The following PICK1 variants were observed in gnomAD, a reference collection of about 807,000 sequenced individuals.
PICK1 encodes the protein protein interacting with PRKCA 1.
In PICK1, 23 loss-of-function variants were observed where a neutral mutation model predicts 48.9. That is an observed-to-expected ratio of 0.47 (90% confidence interval 0.34 to 0.67). PICK1 has a LOEUF of 0.67. Ranked by LOEUF, PICK1 falls within the 30% of genes least tolerant of loss-of-function variation. The pLI, the probability that PICK1 is intolerant of heterozygous loss-of-function variation, is 0.01. For missense variants in PICK1, 423 were observed against 557.1 expected (o/e 0.76, Z 2.42); for synonymous variants, 217 against 228.2 (o/e 0.95, Z 0.44).
Position 38,074,732 on chromosome 22 carries a change from G to A in PICK1, c.980-132G>A. 1 of 1,241,412 alleles carries A rather than the reference G, an allele frequency of 8.1e-7. No homozygotes were observed. Among genetic ancestry groups the A allele is most frequent in the East Asian group, 2.5e-5 (1 of 40,790 alleles). The allele number at this position is 1,241,412 out of a possible 1,614,324, so 76.9% of individuals were successfully genotyped here. ...CTGCCTCCGCCCCTTGCCAGGTCAT[G>A]AGGGGTCAGGGAAGTGCCCGAGTGG... is the stretch of plus-strand genomic sequence containing the variant. On this transcript the variant is annotated intron_variant, in intron 12 of 12. Transcript: ENST00000356976. This position sits in a 1 kb window ranked among gnomAD's most constrained non-coding sequence, Gnocchi z 4.5.
chr22:38,057,723 A>G lies in PICK1; in HGVS notation c.-57-30A>G, dbSNP rs1466938186. The G allele has an allele frequency of 1.4e-5, 18 of 1,272,138 alleles. No individual in the cohort carries two copies. In the Middle Eastern group the frequency reaches 1.8e-3, roughly 130 times the overall value. The allele number at this position is 1,272,138 out of a possible 1,614,324, so 78.8% of individuals were successfully genotyped here. A position where few individuals can be genotyped will look rare whatever the true frequency, so the allele number is the denominator to read the frequency against. On this transcript the variant is annotated intron_variant, in intron 1 of 12. Coordinates refer to ENST00000356976, the MANE Select transcript of PICK1 (RefSeq NM_012407.4). Reference sequence around the variant, plus strand: ...GCATTTAGGCACTTGGGTTCCTTAAATCCTATGCTCCTTTCTCTCCCGGAT... The same window carrying G: ...GCATTTAGGCACTTGGGTTCCTTAAGTCCTATGCTCCTTTCTCTCCCGGAT...
At position 38,065,080 on chromosome 22, in the gene PICK1, A is replaced by G. The variant is rs1306797006; in HGVS notation, c.232A>G (p.Ile78Val). Residue 78 changes from isoleucine to valine, a missense_variant, in exon 4 of 13, where the codon ATC (isoleucine) becomes GTC (valine). Around this residue, in one of 2 missense-constraint regions of PICK1, gnomAD observed 279 missense variants for 417.8 expected, o/e 0.67. Transcript: ENST00000356976. ...GATCACCGGTGTCAATGGCAGGTCA[A>G]TCAAAGGGAAAACTAAGGTGGAGGT... is the stretch of plus-strand genomic sequence containing the variant. ...DEITGVNGRS[I>V]KGKTKVEVAK... 1 of 1,614,136 alleles carries G rather than the reference A, an allele frequency of 6.2e-7. No individual in the cohort carries two copies. The highest frequency in any genetic ancestry group is 8.5e-7 in the Non-Finnish European group (1 of 1,180,014).
intron 6 of PICK1, 65 bp from the exon 7 acceptor site, chr22:38,070,773 A>G: frequency 2.1e-6 from 3 of 1,438,748 alleles, no homozygotes; most frequent in Non-Finnish European, 2.0e-6. Context: ...CCTCCCCAGC[A>G]TGGCCCTGGG....
chr22:38,067,960 C>T (rs1404999759), intron 5 of PICK1, 190 bp downstream of exon 5: 6 of 693,302 alleles, frequency 8.7e-6, no homozygotes, highest in South Asian at 3.0e-5. Flanking sequence ...GCTCTCCCTG[C>T]ATCTGTTCTT....
At position 38,073,078 on chromosome 22, in the gene PICK1, A is replaced by C; in HGVS notation, c.769A>C (p.Lys257Gln). The stretch of plus-strand genomic sequence containing the variant: ...CACCATCAAGAAGTACCTGGACGTG[A>C]AGTTTGAGTACCTGGTGAGTAGTCC... ...RLTIKKYLDV[K>Q]FEYLSYCLKV... Residue 257 changes from lysine to glutamine, a missense_variant, in exon 10 of 13, where the codon AAG (lysine) becomes CAG (glutamine). Physicochemically the swap from Lys to Gln is moderately conservative, Grantham distance 53. Around this residue, in one of 2 missense-constraint regions of PICK1, gnomAD observed 279 missense variants for 417.8 expected, o/e 0.67. Coordinates refer to ENST00000356976, the MANE Select transcript of PICK1 (RefSeq NM_012407.4). This position sits in a 1 kb window ranked among gnomAD's most constrained non-coding sequence, Gnocchi z 5.7. The C allele has an allele frequency of 6.2e-7, 1 of 1,611,118 alleles. No homozygotes were observed. Among genetic ancestry groups the C allele is most frequent in the Non-Finnish European group, 8.5e-7 (1 of 1,177,358 alleles).
At position 38,072,509 on chromosome 22, in the gene PICK1, C is replaced by T. The variant is rs776855622; in HGVS notation, c.589C>T (p.Arg197Trp). 20 of 1,613,358 alleles carry T rather than the reference C, an allele frequency of 1.2e-5. No individual in the cohort carries two copies. The highest frequency in any genetic ancestry group is 6.6e-5 in the South Asian group (6 of 91,090). The change falls in exon 9 of 13, where the codon CGG becomes TGG. Residue 197 changes from arginine (R) to tryptophan (W), a missense_variant. By Grantham distance (101) the Arg-to-Trp change is moderately radical. Around this residue, in one of 2 missense-constraint regions of PICK1, gnomAD observed 279 missense variants for 417.8 expected, o/e 0.67. Transcript: ENST00000356976. ...FGDVFSVIGV[R>W]EPQPAASEAF... ...GGACGTGTTCTCCGTGATCGGGGTG[C>T]GGGAGCCCCAGCCAGCTGCGAGCGA...
At chr22:38,057,931 C>T (rs2145853432) in intron 2 of PICK1, 81 bp downstream of exon 2, 1 of 1,129,356 alleles carries the variant, frequency 8.9e-7, no homozygotes, top group South Asian at 1.2e-5. Flanking sequence ...GTCCCACAGA[C>T]CCTTGCTTCT....
intron 7 of PICK1, 32 bp from the exon 8 acceptor site, chr22:38,071,650 C>T (rs1171521969): frequency 6.3e-7 from 1 of 1,599,054 alleles, no homozygotes; most frequent in South Asian, 1.1e-5. Flanking sequence ...CGCCATGCGT[C>T]CCCATTCCGC....
In PICK1 at chr22:38,074,716, C is replaced by T. The variant is rs1205647349; in HGVS notation, c.980-148C>T. 7.9e-6 allele frequency: 9 copies of T among 1,142,872 alleles called. No individual in the cohort carries two copies. Among genetic ancestry groups the T allele is most frequent in the African/African-American group, 1.5e-5 (1 of 65,298 alleles). The allele number at this position is 1,142,872 out of a possible 1,614,324, so 70.8% of individuals were successfully genotyped here. A position where few individuals can be genotyped will look rare whatever the true frequency, so the allele number is the denominator to read the frequency against. ...CCGGGCTGGGCGGCCCCTGCCTCCGCCCCTTGCCAGGTCATGAGGGGTCAG... is the reference window on the plus strand; with the variant it reads ...CCGGGCTGGGCGGCCCCTGCCTCCGTCCCTTGCCAGGTCATGAGGGGTCAG... On this transcript the variant is annotated intron_variant, in intron 12 of 12. Transcript: ENST00000356976. The surrounding 1 kb of genome is among the most constrained non-coding windows in gnomAD (Gnocchi z 4.5).
chr22:38,074,297 C>T lies in PICK1; in HGVS notation c.835-10C>T. Reference sequence around the variant, plus strand: ...CCTGAGCAGGCACTCCTGTCCCACCCCCGCCCCAGGCCCTAGGCGAGCCCC... The same window carrying T: ...CCTGAGCAGGCACTCCTGTCCCACCTCCGCCCCAGGCCCTAGGCGAGCCCC... On this transcript the variant is annotated splice_polypyrimidine_tract_variant and intron_variant, in intron 11 of 12. Transcript: ENST00000356976. The surrounding 1 kb of genome is among the most constrained non-coding windows in gnomAD (Gnocchi z 4.5). 1.2e-6 allele frequency: 2 copies of T among 1,612,244 alleles called. No homozygotes were observed. Among genetic ancestry groups the T allele is most frequent in the Non-Finnish European group, 1.7e-6 (2 of 1,179,514 alleles).
At chr22:38,069,564 G>A (rs576708465) in intron 6 of PICK1, among the ~76,000 whole-genome samples, 6 of 152,298 alleles carry the variant, frequency 3.9e-5, no homozygotes, top group Admixed American at 2.6e-4. Context: ...GCACACATGC[G>A]CACACACTTT....
chr22:38,072,762 C>A, intron 9 of PICK1, 152 bp downstream of exon 9: 1 of 1,226,600 alleles, frequency 8.2e-7, no homozygotes, highest in Non-Finnish European at 1.2e-6. Context: ...GTCACTGTGC[C>A]CCCTTGGGCC....
chr22:38,059,181 G>A (rs537207449), intron 2 of PICK1, 53 bp from the exon 3 acceptor site: 13 of 1,350,412 alleles, frequency 9.6e-6, no homozygotes, highest in East Asian at 2.5e-5. Flanking sequence ...GGGCCCACCC[G>A]CTCCAGTCAT....
Position 38,074,916 on chromosome 22 carries a change from C to T in PICK1, c.1032C>T (p.Tyr344=). The change falls in exon 13 of 13, where the codon TAC becomes TAT. Residue 344 remains tyrosine, a synonymous_variant. Coordinates refer to ENST00000356976, the MANE Select transcript of PICK1 (RefSeq NM_012407.4). This position sits in a 1 kb window ranked among gnomAD's most constrained non-coding sequence, Gnocchi z 4.5. ...LQRLVSTMSK[Y]YNDCYAVLRD... ...GCCTCGTGTCCACCATGTCCAAGTA[C>T]TACAACGACTGCTACGCAGTGCTGC... The T allele has an allele frequency of 6.2e-7, 1 of 1,613,594 alleles. No homozygotes were observed. The highest frequency in any genetic ancestry group is 8.5e-7 in the Non-Finnish European group (1 of 1,180,032).
chr22:38,064,478 G>A (rs2085477366), intron 3 of PICK1, among the ~76,000 whole-genome samples: 2 of 151,980 alleles, frequency 1.3e-5, no homozygotes, highest in African/African-American at 2.4e-5. Flanking sequence ...ATCATTTGAT[G>A]CCGCCGGGCA....
In PICK1 at chr22:38,074,322, C is replaced by G; in HGVS notation, c.850C>G (p.Leu284Val). The G allele has an allele frequency of 6.2e-7, 1 of 1,612,908 alleles. No individual in the cohort carries two copies. The highest frequency in any genetic ancestry group is 1.1e-5 in the South Asian group (1 of 91,080). Residue 284 changes from leucine (L) to valine (V), a missense_variant, in exon 12 of 13, where the codon CTT (leucine) becomes GTT (valine). Coordinates refer to ENST00000356976, the MANE Select transcript of PICK1 (RefSeq NM_012407.4). This position sits in a 1 kb window ranked among gnomAD's most constrained non-coding sequence, Gnocchi z 4.5. Reference protein sequence around the residue: ...EYSCIALGEPLYRVSTGNYEY... With the variant: ...EYSCIALGEPVYRVSTGNYEY... Reference sequence around the variant, plus strand: ...CCCGCCCCAGGCCCTAGGCGAGCCCCTTTACCGGGTGAGCACCGGCAACTA... The same window carrying G: ...CCCGCCCCAGGCCCTAGGCGAGCCCGTTTACCGGGTGAGCACCGGCAACTA...
rs573723184 is a variant in PICK1 at position 38,066,440 on chromosome 22, T to C, written c.283-1264T>C. Among the ~76,000 whole-genome samples the C allele has an allele frequency of 1.2e-4, 19 of 152,356 alleles. No homozygotes were observed. Among genetic ancestry groups the C allele is most frequent in the Admixed American group, 8.5e-4 (13 of 15,306 alleles). ...AGGTTGCCCATGAGGACAAGAGCTC[T>C]TTGTATTTGCACACAGCCATGACAG... On this transcript the variant is annotated intron_variant, in intron 4 of 12. Coordinates refer to ENST00000356976, the MANE Select transcript of PICK1 (RefSeq NM_012407.4). This position sits in a 1 kb window ranked among gnomAD's most constrained non-coding sequence, Gnocchi z 4.1.
At chr22:38,072,102 A>T (rs1053094564) in intron 8 of PICK1, 1 of 487,554 alleles carries the variant, frequency 2.1e-6, no homozygotes, top group Admixed American at 3.3e-5. Context: ...CACTGCTCCC[A>T]AGTGGTGGAG....
intron 3 of PICK1, among the ~76,000 whole-genome samples, chr22:38,063,044 C>T (rs1221289178): frequency 6.6e-6 from 1 of 152,248 alleles, no homozygotes; most frequent in East Asian, 1.9e-4. Context: ...CCTCAGAGGG[C>T]GTCATCGGGA....
Sources: gnomAD v4.1 joint callset for allele counts (sites outside exome capture counted in the v4.1 genomes callset) on GRCh38, gnomAD v4.1.1 for gene constraint, gnomAD v4.1.1 regional missense constraint, Gnocchi (gnomAD v3.1) non-coding constraint, MANE v1.5 for transcripts, NCBI Gene and HGNC (gene_info 2026-07-23, HGNC 2026-07-21) for gene names.